Variants in SOX5 observed in about 807,000 individuals in gnomAD.
SOX5 encodes the protein SRY-box transcription factor 5, also known as transcription factor SOX-5.
A neutral mutation model predicts 92.0 loss-of-function variants in SOX5; 9 were observed. The ratio of observed to expected loss-of-function variants is 0.10; its 90% confidence interval spans 0.06 to 0.17. The LOEUF is 0.17. Among genes scored for constraint, SOX5 ranks in the 10% least tolerant of loss-of-function variants. SOX5 has a pLI of 1.00. For synonymous variants in SOX5, 344 were observed against 336.3 expected (o/e 1.02, Z -0.25); for missense variants, 642 against 944.5 (o/e 0.68, Z 4.20).
At chr12:23,560,267 A>C (rs1330514002) in intron 11 of SOX5, among the ~76,000 whole-genome samples, 1 of 152,180 alleles carries the variant, frequency 6.6e-6, no homozygotes, top group African/African-American at 2.4e-5. Context: ...AAGTGATATA[A>C]GATAATAGTG....
chr12:24,108,181 TC>T (rs2138090292), intron 4 of SOX5, among the ~76,000 whole-genome samples: 1 of 152,338 alleles, frequency 6.6e-6, no homozygotes, highest in African/African-American at 2.4e-5. Context: ...GTTTCAGTGA[TC>T]CAAGCTATAT....
chr12:23,936,089 G>A (rs904406216), intron 1 of SOX5, among the ~76,000 whole-genome samples: 2 of 150,932 alleles, frequency 1.3e-5, no homozygotes, highest in African/African-American at 4.8e-5. Context: ...AACAGAGTCT[G>A]GCACATAATA....
chr12:23,810,124 C>A (rs542647961), intron 3 of SOX5, among the ~76,000 whole-genome samples: 3 of 152,200 alleles, frequency 2.0e-5, no homozygotes, highest in Admixed American at 6.5e-5. Context: ...AAAGCAGGTG[C>A]AATACTATCT....
intron 6 of SOX5, among the ~76,000 whole-genome samples, chr12:23,680,015 A>G (rs1449904577): frequency 6.6e-6 from 1 of 152,090 alleles, no homozygotes; most frequent in East Asian, 1.9e-4. Context: ...AATTGAAAAG[A>G]ACTTTGAGAA....
chr12:23,696,282 C>T (rs770849308), intron 6 of SOX5, among the ~76,000 whole-genome samples: 16 of 151,910 alleles, frequency 1.1e-4, no homozygotes, highest in African/African-American at 2.9e-4. Context: ...TGATTTTTAA[C>T]TGAAAATTGT....
rs1014691925 is a variant in SOX5, at chr12:23,860,958, A to T, written c.271-14765T>A. ...AAACACAAAGTATATTTTGTAAAAA[A>T]AAAAAAAAAAAAAAAAAAAACCCTG... On this transcript the variant is annotated intron_variant, in intron 2 of 14. Coordinates refer to ENST00000451604, the MANE Select transcript of SOX5 (RefSeq NM_006940.6). 5.8e-3 allele frequency among the ~76,000 whole-genome samples: 475 copies of T among 81,540 alleles called. 2 individuals carry two copies. Among genetic ancestry groups the T allele is most frequent in the African/African-American group, 0.014 (452 of 32,718 alleles). The allele number at this position is 81,540 out of a possible 152,430, so 53.5% of individuals were successfully genotyped here.
At chr12:23,859,007 A>C (rs2096724599) in intron 2 of SOX5, among the ~76,000 whole-genome samples, 1 of 152,196 alleles carries the variant, frequency 6.6e-6, no homozygotes, top group South Asian at 2.1e-4. Flanking sequence ...TAATCCCATC[A>C]TCTTCATTAG....
chr12:23,740,855 G>A lies in SOX5; in HGVS notation c.741+12C>T. Reference sequence around the variant, plus strand: ...TCTGAGGAATATGACTGCATCGCTAGTTCTTACTCACTTGTTCTTGTTGCT... The same window carrying A: ...TCTGAGGAATATGACTGCATCGCTAATTCTTACTCACTTGTTCTTGTTGCT... On this transcript the variant is annotated intron_variant, in intron 5 of 14. Coordinates refer to ENST00000451604, the MANE Select transcript of SOX5 (RefSeq NM_006940.6). 2 of 1,603,976 alleles carry A rather than the reference G, an allele frequency of 1.2e-6. No individual in the cohort carries two copies. The highest frequency in any genetic ancestry group is 1.7e-6 in the Non-Finnish European group (2 of 1,172,950).
chr12:24,512,357 A>G (rs1378970319), intron 1 of SOX5, among the ~76,000 whole-genome samples: 2 of 152,228 alleles, frequency 1.3e-5, no homozygotes, highest in Non-Finnish European at 2.9e-5. Context: ...TCCTTTTTGA[A>G]ATTAAGCACA....
At chr12:23,581,510 A>C (rs1950034095) in intron 9 of SOX5, among the ~76,000 whole-genome samples, 1 of 152,120 alleles carries the variant, frequency 6.6e-6, no homozygotes, top group Non-Finnish European at 1.5e-5. Context: ...GAAAATCAAA[A>C]TTTATTTGGC....
At chr12:23,870,742 T>C (rs2096863645) in intron 2 of SOX5, among the ~76,000 whole-genome samples, 1 of 151,452 alleles carries the variant, frequency 6.6e-6, no homozygotes, top group Non-Finnish European at 1.5e-5. Flanking sequence ...GTATTCTAAA[T>C]TGGATTTGTG....
At chr12:24,024,321 T>C (rs1271054625) in intron 4 of SOX5, among the ~76,000 whole-genome samples, 2 of 152,010 alleles carry the variant, frequency 1.3e-5, no homozygotes, top group Non-Finnish European at 2.9e-5. Context: ...GTAAAGTGTA[T>C]TTCATTCACC....
chr12:24,382,149 A>G (rs1420927257), intron 1 of SOX5, among the ~76,000 whole-genome samples: 1 of 152,240 alleles, frequency 6.6e-6, no homozygotes, highest in Non-Finnish European at 1.5e-5. Context: ...TACACACATT[A>G]AGTTAGGGAA....
intron 4 of SOX5, among the ~76,000 whole-genome samples, chr12:24,078,233 A>C (rs1341288151): frequency 2.0e-5 from 3 of 152,112 alleles, no homozygotes; most frequent in African/African-American, 7.2e-5. Flanking sequence ...AAGGTGACTA[A>C]GAAGTAACAC....
At chr12:24,131,123 A>G (rs540231733) in intron 4 of SOX5, among the ~76,000 whole-genome samples, 5 of 152,328 alleles carry the variant, frequency 3.3e-5, no homozygotes, top group African/African-American at 9.6e-5. Flanking sequence ...TATTTTTTGC[A>G]CCATCAAAAT....
At chr12:24,441,913 C>T (rs971025792) in intron 1 of SOX5, among the ~76,000 whole-genome samples, 1 of 152,080 alleles carries the variant, frequency 6.6e-6, no homozygotes, top group South Asian at 2.1e-4. Flanking sequence ...TGAGATAAGG[C>T]TTTCTGAACA....
chr12:24,550,615 T>C (rs2138940498), intron 1 of SOX5, among the ~76,000 whole-genome samples: 1 of 152,334 alleles, frequency 6.6e-6, no homozygotes, highest in East Asian at 1.9e-4. Context: ...AAAGATTATG[T>C]TGAAAATAAG....
At chr12:24,296,476 A>C (rs1211586654) in intron 2 of SOX5, among the ~76,000 whole-genome samples, 3 of 152,206 alleles carry the variant, frequency 2.0e-5, no homozygotes, top group Non-Finnish European at 4.4e-5. Context: ...GGTTCACAAA[A>C]ATCAGGTCCT....
intron 2 of SOX5, among the ~76,000 whole-genome samples, chr12:24,277,662 C>G (rs886500143): frequency 6.6e-6 from 1 of 150,792 alleles, no homozygotes; most frequent in South Asian, 2.1e-4. Flanking sequence ...CATTATAAAG[C>G]CACCACAATT....
Sources: allele counts gnomAD v4.1 joint callset (sites outside exome capture counted in the v4.1 genomes callset), GRCh38; gene constraint gnomAD v4.1.1; transcripts MANE v1.5; gene names NCBI Gene and HGNC (gene_info 2026-07-23, HGNC 2026-07-21).